NBPF11: variants seen among roughly 807,000 people sequenced by gnomAD.
The protein encoded by NBPF11 is NBPF family member NBPF11.
Under a neutral mutation model 93.9 loss-of-function variants are expected in NBPF11, and 72 were observed. The observed-to-expected ratio is 0.77, with a 90% CI of 0.63 to 0.93. NBPF11 has a LOEUF of 0.93. Ranked by LOEUF, NBPF11 falls within the 40% of genes least tolerant of loss-of-function variation. The probability of loss-of-function intolerance (pLI) is 0.00; values close to 1 mark genes in which losing one functional copy is unlikely to be tolerated. For missense variants in NBPF11, 705 were observed against 802.2 expected (o/e 0.88, Z 1.46); for synonymous variants, 224 against 304.9 (o/e 0.73, Z 2.76).
chr1:148,130,470 T>C (rs1395439251), intron 4 of NBPF11, among the ~76,000 whole-genome samples: 2 of 151,418 alleles, frequency 1.3e-5, no homozygotes, highest in Non-Finnish European at 2.9e-5. Flanking sequence ...TATATTTATT[T>C]AGCCTTCTTT....
rs1294795459 is a variant in NBPF11, at chr1:148,102,419, T to C, written c.*1477A>G. The C allele has an allele frequency of 1.3e-5, 2 of 151,812 alleles. No homozygotes were observed. The highest frequency in any genetic ancestry group is 2.9e-5 in the Non-Finnish European group (2 of 68,020). 9.4% of individuals were successfully genotyped at this position (151,812 alleles called of 1,614,324 possible). A position where few individuals can be genotyped will look rare whatever the true frequency, so the allele number is the denominator to read the frequency against. On this transcript the variant is annotated 3_prime_UTR_variant, in exon 24 of 24. Transcript: ENST00000682118. ...CTTGAAAACCACTTTCCCAAGTACT[T>C]CATTATAAGTAAGGTGTCTCTAAAA...
intron 9 of NBPF11, among the ~76,000 whole-genome samples, 162 bp from the exon 10 acceptor site, chr1:148,120,872 C>G (rs1474245963): frequency 6.6e-6 from 1 of 151,910 alleles, no homozygotes; most frequent in Non-Finnish European, 1.5e-5. Context: ...TCCTTTAAGT[C>G]AACTTGTCTT....
intron 18 of NBPF11, among the ~76,000 whole-genome samples, 176 bp downstream of exon 18, chr1:148,108,306 C>T (rs1308427308): frequency 1.3e-5 from 2 of 151,700 alleles, no homozygotes; most frequent in East Asian, 1.9e-4. Context: ...GCTCACTGAC[C>T]CATCCCTTGT....
chr1:148,123,051 A>G (rs1243634925), intron 7 of NBPF11, among the ~76,000 whole-genome samples: 18 of 152,172 alleles, frequency 1.2e-4, no homozygotes, highest in Non-Finnish European at 2.2e-4. Context: ...ATATCACTGG[A>G]GGCTTGTGCA....
At chr1:148,122,306 C>T in intron 8 of NBPF11, 40 bp from the exon 9 acceptor site, 1 of 1,609,812 alleles carries the variant, frequency 6.2e-7, no homozygotes, top group Non-Finnish European at 8.5e-7. Flanking sequence ...GAAGATTAAA[C>T]ACAGAGGGAT....
chr1:148,111,646 C>T (rs1478435746), intron 15 of NBPF11, among the ~76,000 whole-genome samples: 16 of 151,148 alleles, frequency 1.1e-4, no homozygotes, highest in South Asian at 2.1e-4. Context: ...GTGCAAGAAA[C>T]GGTATCAGTG....
At position 148,124,869 on chromosome 1, in the gene NBPF11, T is replaced by C. The variant is rs61812014; in HGVS notation, c.278+30A>G. ...TACTTCAGAGATCTACACACCTACCTGCCTGTCTCCCCCTACGGGGTCCCC... is the reference window on the plus strand; with the variant it reads ...TACTTCAGAGATCTACACACCTACCCGCCTGTCTCCCCCTACGGGGTCCCC... On this transcript the variant is annotated intron_variant, in intron 6 of 23. Transcript: ENST00000682118. 1.7e-4 allele frequency: 268 copies of C among 1,603,548 alleles called. 3 individuals carry two copies. The highest frequency in any genetic ancestry group is 1.6e-3 in the East Asian group (71 of 44,836).
chr1:148,111,306 C>A (rs1473259037), intron 15 of NBPF11, among the ~76,000 whole-genome samples: 32 of 152,154 alleles, frequency 2.1e-4, no homozygotes, highest in African/African-American at 7.7e-4. Context: ...GAAACCAGAG[C>A]ACAAAAGCTG....
chr1:148,120,780 G>A, intron 9 of NBPF11, 70 bp from the exon 10 acceptor site: 1 of 1,109,150 alleles, frequency 9.0e-7, no homozygotes, highest in Non-Finnish European at 1.4e-6. Context: ...AATCAGGACT[G>A]AGGGATGTCA....
intron 1 of NBPF11, among the ~76,000 whole-genome samples, chr1:148,150,873 A>G (rs1386912250): frequency 6.6e-6 from 1 of 151,634 alleles, no homozygotes; most frequent in Non-Finnish European, 1.5e-5. Flanking sequence ...GACTACAGGC[A>G]CCTGCCACCA....
chr1:148,121,347 A>ATTTTTTTT (rs1667785622), intron 9 of NBPF11, among the ~76,000 whole-genome samples: 1 of 134,334 alleles, frequency 7.4e-6, no homozygotes, highest in African/African-American at 2.9e-5. Flanking sequence ...CTGGTCAGAG[A>ATTTTTTTT]CTTTTTTTTT....
At chr1:148,106,684 C>T (rs1188285704) in intron 20 of NBPF11, among the ~76,000 whole-genome samples, 1 of 148,190 alleles carries the variant, frequency 6.7e-6, no homozygotes, top group Non-Finnish European at 1.5e-5. Context: ...TTTACATCTG[C>T]CTGGGTCCAA....
chr1:148,123,192 C>T (rs1473638451), intron 7 of NBPF11, among the ~76,000 whole-genome samples: 1 of 151,954 alleles, frequency 6.6e-6, no homozygotes, highest in Non-Finnish European at 1.5e-5. Flanking sequence ...ACAAACTTGT[C>T]CCACAGTCCT....
Position 148,104,006 on chromosome 1 carries a change from G to C in NBPF11, c.2582-94C>G, listed in dbSNP as rs1662923522. 3.1e-6 allele frequency: 5 copies of C among 1,607,208 alleles called. No homozygotes were observed. The South Asian group carries it at 5.5e-5, about 18-fold the overall frequency. On this transcript the variant is annotated intron_variant, in intron 23 of 23. Coordinates refer to ENST00000682118, the MANE Select transcript of NBPF11 (RefSeq NM_001385469.3). ...CAGAAGTAACATAAGGAAGTGGTTG[G>C]AAAAGAAAAAGGACAGATCCATTAA...
rs368219132 is a variant in NBPF11, at chr1:148,105,936, T to C, written c.2303+245A>G. 1.3e-3 allele frequency among the ~76,000 whole-genome samples: 187 copies of C among 143,210 alleles called. 2 individuals carry two copies. Among genetic ancestry groups the C allele is most frequent in the African/African-American group, 5.0e-3 (181 of 36,524 alleles). The allele number at this position is 143,210 out of a possible 152,430, so 94.0% of individuals were successfully genotyped here. A position where few individuals can be genotyped will look rare whatever the true frequency, so the allele number is the denominator to read the frequency against. On this transcript the variant is annotated intron_variant, in intron 21 of 23. Coordinates refer to ENST00000682118, the MANE Select transcript of NBPF11 (RefSeq NM_001385469.3). ...TCCATAAAATGTGCTCAAGTTTCCA[T>C]GCAGTCACCATGAGAATACAGTTTT...
chr1:148,140,639 T>C (rs1225339883), intron 2 of NBPF11, among the ~76,000 whole-genome samples: 1 of 147,914 alleles, frequency 6.8e-6, no homozygotes, highest in Non-Finnish European at 1.5e-5. Context: ...AGATGGCAAA[T>C]AAGCATATGA....
Position 148,103,511 on chromosome 1 carries a change from A to G in NBPF11, c.*385T>C. 7.4e-7 allele frequency: 1 copy of G among 1,355,908 alleles called. No individual in the cohort carries two copies. Among genetic ancestry groups the G allele is most frequent in the Non-Finnish European group, 1.0e-6 (1 of 983,046 alleles). 84.0% of individuals were successfully genotyped at this position (1,355,908 alleles called of 1,614,324 possible). Reference sequence around the variant, plus strand: ...GGTCCATTGTCTTCAGACTGAGCACAGGTTGCCACTGGCATGCTCTGAGAA... The same window carrying G: ...GGTCCATTGTCTTCAGACTGAGCACGGGTTGCCACTGGCATGCTCTGAGAA... On this transcript the variant is annotated 3_prime_UTR_variant, in exon 24 of 24. Transcript: ENST00000682118.
chr1:148,143,141 G>A (rs1672466458), intron 2 of NBPF11, among the ~76,000 whole-genome samples: 1 of 151,768 alleles, frequency 6.6e-6, no homozygotes, highest in African/African-American at 2.4e-5. Flanking sequence ...AGAGGAGAGG[G>A]ATGCAGATCT....
intron 9 of NBPF11, among the ~76,000 whole-genome samples, chr1:148,121,396 G>A (rs1553271528): frequency 7.0e-6 from 1 of 142,578 alleles, no homozygotes; most frequent in East Asian, 2.2e-4. Context: ...CTCCCAGGCT[G>A]GAGTGCAGTG....
Sources: gnomAD v4.1 joint callset for allele counts (sites outside exome capture counted in the v4.1 genomes callset) on GRCh38, gnomAD v4.1.1 for gene constraint, MANE v1.5 for transcripts, NCBI Gene and HGNC (gene_info 2026-07-23, HGNC 2026-07-21) for gene names.